AKAP7: variants seen among roughly 807,000 people sequenced by gnomAD.
AKAP7 encodes A kinase (PRKA) anchor protein 7.
In AKAP7, 39 loss-of-function variants were observed where a neutral mutation model predicts 39.5. That is an observed-to-expected ratio of 0.99 (90% CI 0.76 to 1.29). The LOEUF is 1.29. Ranked by LOEUF, AKAP7 falls within the 50% of genes most tolerant of loss-of-function variation. The pLI is 0.00. For synonymous variants in AKAP7, 140 were observed against 139.1 expected, an observed-to-expected ratio of 1.01 and a Z score of -0.05; for missense variants, 414 against 407.7, an observed-to-expected ratio of 1.02 and a Z score of -0.13.
chr6:131,209,312 G>A (rs973494721), intron 6 of AKAP7, among the ~76,000 whole-genome samples: 5 of 151,958 alleles, frequency 3.3e-5, no homozygotes, highest in East Asian at 1.9e-4. Context: ...GTGCAGTGGT[G>A]CGATCTCGGC....
At chr6:131,144,865 A>T (rs1801348260) in intron 1 of AKAP7, among the ~76,000 whole-genome samples, 2 of 152,226 alleles carry the variant, frequency 1.3e-5, no homozygotes, top group Admixed American at 1.3e-4. Flanking sequence ...TTGAAGAAAA[A>T]ATTATAGGCC....
rs1276957937 is a variant in AKAP7 at position 131,283,518 on chromosome 6, A to G, written c.*1792A>G. The G allele has an allele frequency of 6.6e-6, 1 of 152,184 alleles. No individual in the cohort carries two copies. Among genetic ancestry groups the G allele is most frequent in the African/African-American group, 2.4e-5 (1 of 41,424 alleles). The allele number at this position is 152,184 out of a possible 1,614,324, so 9.4% of individuals were successfully genotyped here. A position where few individuals can be genotyped will look rare whatever the true frequency, so the allele number is the denominator to read the frequency against. On this transcript the variant is annotated 3_prime_UTR_variant, in exon 8 of 8. Coordinates refer to ENST00000431975, the MANE Select transcript of AKAP7 (RefSeq NM_016377.4). ...TGCATTTTCATGGCTCTTAATAAAC[A>G]TATTGTTTTCCCTTGTTGCTTTTCC... is the stretch of plus-strand genomic sequence containing the variant.
At chr6:131,130,629 C>T (rs1003316215), upstream of AKAP7, among the ~76,000 whole-genome samples, 1 of 152,106 alleles carries the variant, frequency 6.6e-6, no homozygotes, top group Non-Finnish European at 1.5e-5. Context: ...GAGATGTCAC[C>T]ATGAAGACTG....
At chr6:131,131,046 A>G (rs1800317030), upstream of AKAP7, among the ~76,000 whole-genome samples, 1 of 152,214 alleles carries the variant, frequency 6.6e-6, no homozygotes, top group African/African-American at 2.4e-5. Context: ...GTGAGCAGGT[A>G]TATGCAAACC....
At chr6:131,139,860 A>G (rs1205649379) in intron 1 of AKAP7, among the ~76,000 whole-genome samples, 1 of 152,200 alleles carries the variant, frequency 6.6e-6, no homozygotes, top group Non-Finnish European at 1.5e-5. Flanking sequence ...GGTGAATTGT[A>G]TGGTCACTTT....
chr6:131,280,435 G>C (rs1815110006), intron 7 of AKAP7, among the ~76,000 whole-genome samples: 1 of 152,160 alleles, frequency 6.6e-6, no homozygotes, highest in South Asian at 2.1e-4. Flanking sequence ...ACCTGCTTCT[G>C]TTCTTCAATC....
chr6:131,157,292 A>G (rs1473365490), intron 2 of AKAP7, among the ~76,000 whole-genome samples: 2 of 152,218 alleles, frequency 1.3e-5, no homozygotes, highest in African/African-American at 4.8e-5. Flanking sequence ...AACTGAATAA[A>G]GAGAGTTTAT....
At chr6:131,184,836 G>A in intron 5 of AKAP7, 1 of 1,474,326 alleles carries the variant, frequency 6.8e-7, no homozygotes, top group South Asian at 1.1e-5. Flanking sequence ...GGCCTGGTCG[G>A]TTCTTGTAAC....
chr6:131,191,320 G>T (rs1253663707), intron 5 of AKAP7, among the ~76,000 whole-genome samples: 1 of 152,150 alleles, frequency 6.6e-6, no homozygotes, highest in Non-Finnish European at 1.5e-5. Context: ...AATAGAGAGG[G>T]TCAAAGTTGG....
At chr6:131,145,178 A>C (rs530866505) in intron 1 of AKAP7, 107 bp from the exon 2 acceptor site, 1 of 737,026 alleles carries the variant, frequency 1.4e-6, no homozygotes, top group African/African-American at 1.8e-5. Context: ...TTCTTAACAG[A>C]TGTTAATTTA....
At chr6:131,140,557 G>A (rs1440034543) in intron 1 of AKAP7, among the ~76,000 whole-genome samples, 2 of 152,170 alleles carry the variant, frequency 1.3e-5, no homozygotes, top group Middle Eastern at 3.2e-3. Flanking sequence ...CTAAGAATCT[G>A]TATTTCCAAG....
chr6:131,129,860 A>T, the AKAP7 span, among the ~76,000 whole-genome samples: 10 of 152,318 alleles, frequency 6.6e-5, no homozygotes, highest in East Asian at 1.2e-3. Context: ...GCATGATGTC[A>T]TCCTTTTTTG....
intron 7 of AKAP7, chr6:131,250,510 T>C (rs193293066): frequency 1.6e-5 from 26 of 1,612,710 alleles, no homozygotes; most frequent in Non-Finnish European, 2.1e-5. Flanking sequence ...TAAACTGCAA[T>C]TTCTATTTGG....
At chr6:131,141,724 T>C (rs1801045359) in intron 1 of AKAP7, among the ~76,000 whole-genome samples, 1 of 152,178 alleles carries the variant, frequency 6.6e-6, no homozygotes, top group Admixed American at 6.5e-5. Flanking sequence ...AAGGCCCATC[T>C]GACAAGGTTG....
chr6:131,189,272 A>G (rs1479769762), intron 5 of AKAP7, among the ~76,000 whole-genome samples: 1 of 152,254 alleles, frequency 6.6e-6, no homozygotes, highest in African/African-American at 2.4e-5. Flanking sequence ...AAAATCAAAC[A>G]ATCATAAATT....
At chr6:131,160,806 A>G (rs1047681793) in intron 3 of AKAP7, among the ~76,000 whole-genome samples, 1 of 152,248 alleles carries the variant, frequency 6.6e-6, no homozygotes, top group Non-Finnish European at 1.5e-5. Context: ...GTAAAAATCT[A>G]TTAAAATCTG....
At chr6:131,183,176 G>A (rs1805450429) in intron 5 of AKAP7, among the ~76,000 whole-genome samples, 1 of 152,210 alleles carries the variant, frequency 6.6e-6, no homozygotes, top group African/African-American at 2.4e-5. Flanking sequence ...CAAAGTGACA[G>A]TGAGTTAGGG....
intron 5 of AKAP7, chr6:131,185,167 CCTT>C: frequency 1.9e-6 from 1 of 531,096 alleles, no homozygotes; most frequent in East Asian, 4.3e-5. Flanking sequence ...ATCAGCCCCT[CCTT>C]CTTCAGGGTG....
In AKAP7 at chr6:131,241,627, G is replaced by GTGTGTGTGTGTGTATATATATA; in HGVS notation, c.850+21820_850+21821insGTGTGTGTGTGTATATATATAT. 2.1e-3 allele frequency among the ~76,000 whole-genome samples: 178 copies of GTGTGTGTGTGTGTATATATATA among 86,660 alleles called. 4 individuals are homozygous for GTGTGTGTGTGTGTATATATATA. Among genetic ancestry groups the GTGTGTGTGTGTGTATATATATA allele is most frequent in the East Asian group, 0.018 (57 of 3,228 alleles). The allele number at this position is 86,660 out of a possible 152,430, so 56.9% of individuals were successfully genotyped here. On this transcript the variant is annotated intron_variant, in intron 7 of 7. Coordinates refer to ENST00000431975, the MANE Select transcript of AKAP7 (RefSeq NM_016377.4). ...TGTGTGTGTGTGTGTGTGTGTGTGT[G>GTGTGTGTGTGTGTATATATATA]TATATATATATGACAGTTATAGGAT...
Sources: gnomAD v4.1 joint callset for allele counts (sites outside exome capture counted in the v4.1 genomes callset) on GRCh38, gnomAD v4.1.1 for gene constraint, MANE v1.5 for transcripts, NCBI Gene and HGNC (gene_info 2026-07-23, HGNC 2026-07-21) for gene names.